The following PPP6R1 variants were observed in gnomAD, a reference collection of about 807,000 sequenced individuals.
PPP6R1 encodes protein phosphatase 6 regulatory subunit 1, also known as serine/threonine-protein phosphatase 6 regulatory subunit 1.
Under a neutral mutation model 104.6 loss-of-function variants are expected in PPP6R1, and 39 were observed. The observed-to-expected ratio is 0.37, with a 90% confidence interval of 0.29 to 0.49. PPP6R1 has a LOEUF of 0.49. Among genes scored for constraint, PPP6R1 ranks in the 20% least tolerant of loss-of-function variants. PPP6R1 has a pLI of 0.98. For synonymous variants in PPP6R1, 549 were observed against 479.0 expected (o/e 1.15, Z -1.91); for missense variants, 1,181 against 1,155.8 (o/e 1.02, Z -0.32).
chr19:55,231,982 C>A lies in PPP6R1; in HGVS notation c.2126G>T (p.Gly709Val). 6.2e-7 allele frequency: 1 copy of A among 1,601,560 alleles called. No individual in the cohort carries two copies. Among genetic ancestry groups the A allele is most frequent in the Non-Finnish European group, 8.5e-7 (1 of 1,171,818 alleles). Residue 709 changes from glycine to valine, a missense_variant and splice_region_variant, in exon 19 of 24, where the codon GGC becomes GTC. By Grantham distance (109) the Gly-to-Val change is moderately radical. Around this residue, in one of 2 missense-constraint regions of PPP6R1, gnomAD observed 1,042 missense variants for 955.6 expected, o/e 1.09. Coordinates refer to ENST00000412770, the MANE Select transcript of PPP6R1 (RefSeq NM_014931.4). ...GTCAAAGGTGGCTGTCCAGCTGGGG[C>A]CTGGGATAGAGGTGGGGGAGCGGGA... ...SYPSPGPQPP[G>V]PSWTATFDPV... is the part of the protein sequence containing the mutation.
chr19:55,243,939 GT>G (rs1302610851), intron 5 of PPP6R1, among the ~76,000 whole-genome samples: 6 of 152,182 alleles, frequency 3.9e-5, no homozygotes, highest in African/African-American at 1.4e-4. Flanking sequence ...GGCAGGACTT[GT>G]TTTTTGGAGT....
rs1289509369 is a variant in PPP6R1, at chr19:55,241,077, G to A, written c.1164C>T (p.Asp388=). Residue 388 remains aspartate, a splice_region_variant and synonymous_variant, in exon 10 of 24, where the codon GAC becomes GAT. Transcript: ENST00000412770. This position sits in a 1 kb window ranked among gnomAD's most constrained non-coding sequence, Gnocchi z 5.4. ...TGTTGAAGACATAATGGAAGAAGAGGTCCTATGGGAGGACACAGGATTGGT... is the reference window on the plus strand; with the variant it reads ...TGTTGAAGACATAATGGAAGAAGAGATCCTATGGGAGGACACAGGATTGGT... ...LALDVPNTML[D]LFFHYVFNNF... 2.6e-6 allele frequency: 4 copies of A among 1,550,606 alleles called. No homozygotes were observed. The highest frequency in any genetic ancestry group is 1.4e-5 in the African/African-American group (1 of 73,110).
intron 22 of PPP6R1, 41 bp downstream of exon 22, chr19:55,230,733 G>GCCCC: frequency 1.5e-5 from 21 of 1,390,340 alleles, no homozygotes; most frequent in Admixed American, 2.1e-5. Context: ...TGCCCCACCA[G>GCCCC]CCCCACCCCC....
At position 55,240,262 on chromosome 19, in the gene PPP6R1, C is replaced by T. The variant is rs764335393; in HGVS notation, c.1335G>A (p.Thr445=). The T allele has an allele frequency of 8.8e-6, 14 of 1,594,612 alleles. No individual in the cohort carries two copies. The highest frequency in any genetic ancestry group is 1.3e-5 in the African/African-American group (1 of 74,504). The change falls in exon 11 of 24, where the codon ACG becomes ACA. Residue 445 remains threonine (T), a synonymous_variant. Transcript: ENST00000412770. ...GTACACGGTCGTTCTCCTCCCAGGACGTCAGGATCCGCTCCACCAGGCGGC... is the reference window on the plus strand; with the variant it reads ...GTACACGGTCGTTCTCCTCCCAGGATGTCAGGATCCGCTCCACCAGGCGGC... ...QQCRLVERIL[T]SWEENDRVQC...
In PPP6R1 at chr19:55,236,686, G is replaced by C; in HGVS notation, c.1945C>G (p.Gln649Glu). The change falls in exon 17 of 24, where the codon CAG becomes GAG. Residue 649 changes from glutamine to glutamate, a missense_variant. This residue lies in a region of PPP6R1 where 1,042 missense variants were observed against 955.6 expected (regional missense o/e 1.09). Coordinates refer to ENST00000412770, the MANE Select transcript of PPP6R1 (RefSeq NM_014931.4). The part of the protein sequence containing the change: ...DGEDGAWQGS[Q>E]LARGARLGQP... ...CCCAGACGGGCCCCCCTGGCCAGCT[G>C]GCTGCCCTGCCAGGCGCCATCTTCT... 4 of 1,605,882 alleles carry C rather than the reference G, an allele frequency of 2.5e-6. No individual in the cohort carries two copies. The highest frequency in any genetic ancestry group is 3.4e-6 in the Non-Finnish European group (4 of 1,176,178).
At chr19:55,234,558 A>G (rs2087377883) in intron 17 of PPP6R1, among the ~76,000 whole-genome samples, 1 of 152,222 alleles carries the variant, frequency 6.6e-6, no homozygotes, top group East Asian at 1.9e-4. Flanking sequence ...AAACTCTTAG[A>G]AGAAAAGAGA....
intron 22 of PPP6R1, 41 bp downstream of exon 22, chr19:55,230,733 G>GCCCCCCC: frequency 2.2e-6 from 3 of 1,390,560 alleles, no homozygotes; most frequent in Non-Finnish European, 2.9e-6. Context: ...TGCCCCACCA[G>GCCCCCCC]CCCCACCCCC....
At position 55,231,979 on chromosome 19, in the gene PPP6R1, G is replaced by A. The variant is rs1377991354; in HGVS notation, c.2129C>T (p.Pro710Leu). ...YPSPGPQPPG[P>L]SWTATFDPVP... ...TGGGTCAAAGGTGGCTGTCCAGCTG[G>A]GGCCTGGGATAGAGGTGGGGGAGCG... Residue 710 changes from proline to leucine, a missense_variant, in exon 19 of 24, where the codon CCC becomes CTC. Pro to Leu is a moderately conservative substitution (Grantham distance 98, BLOSUM62 -3). Around this residue, in one of 2 missense-constraint regions of PPP6R1, gnomAD observed 1,042 missense variants for 955.6 expected, o/e 1.09. Coordinates refer to ENST00000412770, the MANE Select transcript of PPP6R1 (RefSeq NM_014931.4). 3 of 1,600,782 alleles carry A rather than the reference G, an allele frequency of 1.9e-6. No homozygotes were observed. The highest frequency in any genetic ancestry group is 2.2e-5 in the South Asian group (2 of 90,164).
Position 55,232,169 on chromosome 19 carries a change from G to C in PPP6R1, c.2031C>G (p.Asp677Glu), listed in dbSNP as rs768122943. The C allele has an allele frequency of 6.4e-7, 1 of 1,569,624 alleles. No homozygotes were observed. The highest frequency in any genetic ancestry group is 2.3e-5 in the East Asian group (1 of 42,572). Residue 677 changes from aspartate (D) to glutamate (E), a missense_variant, in exon 18 of 24, where the codon GAC becomes GAG. Coordinates refer to ENST00000412770, the MANE Select transcript of PPP6R1 (RefSeq NM_014931.4). ...CCTCCTCGTCTTCCTCCTCCTCCTC[G>C]TCCTCCTCTTCTTCGTCCTCACTGT... Reference protein sequence around the residue: ...STDSEDEEEEDEEEEEDEEGI... With the variant: ...STDSEDEEEEEEEEEEDEEGI...
intron 17 of PPP6R1, chr19:55,236,345 G>A: frequency 2.9e-6 from 1 of 344,650 alleles, no homozygotes; most frequent in Non-Finnish European, 5.3e-6. Flanking sequence ...TGTAGAGACA[G>A]GATCTCCCTA....
At chr19:55,253,633 T>C (rs1410999577) in intron 1 of PPP6R1, among the ~76,000 whole-genome samples, 3 of 152,186 alleles carry the variant, frequency 2.0e-5, no homozygotes, top group African/African-American at 4.8e-5. Flanking sequence ...TCAAATGCAA[T>C]TGAGTGGTCG....
At chr19:55,239,303 G>C in intron 15 of PPP6R1, 102 bp downstream of exon 15, 1 of 1,203,188 alleles carries the variant, frequency 8.3e-7, no homozygotes, top group Admixed American at 2.0e-5. Flanking sequence ...TGCAGGCTGA[G>C]CCCACAGGGC....
rs570277038 is a variant in PPP6R1 at position 55,232,471 on chromosome 19, C to T, written c.1989-260G>A. 1.4e-4 allele frequency: 61 copies of T among 427,158 alleles called. No individual in the cohort carries two copies. In the East Asian group the frequency reaches 2.4e-3, roughly 17 times the overall value. 26.5% of individuals were successfully genotyped at this position (427,158 alleles called of 1,614,324 possible). On this transcript the variant is annotated intron_variant, in intron 17 of 23. Transcript: ENST00000412770. ...TCCGTCGCCAGTCATCCGTGGAGGGCAGGCCCTGGGGAAGTGGGCTGAGCC... is the reference window on the plus strand; with the variant it reads ...TCCGTCGCCAGTCATCCGTGGAGGGTAGGCCCTGGGGAAGTGGGCTGAGCC...
At chr19:55,240,412 C>G (rs552973290) in intron 10 of PPP6R1, 112 bp from the exon 11 acceptor site, 75 of 1,069,254 alleles carry the variant, frequency 7.0e-5, no homozygotes, top group Non-Finnish European at 9.5e-5. Flanking sequence ...GGCCCCCGCT[C>G]ATCCAGAGAC....
intron 15 of PPP6R1, among the ~76,000 whole-genome samples, chr19:55,238,155 C>T (rs745814994): frequency 3.3e-5 from 5 of 152,094 alleles, no homozygotes; most frequent in Non-Finnish European, 7.4e-5. Context: ...CCTGCCTCGG[C>T]CTCCCTAAGT....
Position 55,241,741 on chromosome 19 carries a change from A to G in PPP6R1, c.846-102T>C. 9 of 1,352,040 alleles carry G rather than the reference A, an allele frequency of 6.7e-6. No homozygotes were observed. The highest frequency in any genetic ancestry group is 8.9e-6 in the Non-Finnish European group (9 of 1,010,384). 83.8% of individuals were successfully genotyped at this position (1,352,040 alleles called of 1,614,324 possible). On this transcript the variant is annotated intron_variant, in intron 7 of 23. Transcript: ENST00000412770. This position sits in a 1 kb window ranked among gnomAD's most constrained non-coding sequence, Gnocchi z 5.4. ...CGTCTGCAGGGTCTGGAGGAAAACG[A>G]GGAGCCACATGCCCCCAGCGCCGCT...
In PPP6R1 at chr19:55,257,393, G is replaced by A. The variant is rs766188803; in HGVS notation, c.-7+1042C>T. ...CCTGAAACATCTTGCCTTTCAGGCG[G>A]GTGTCTATGGTCATGTCTGTGTGTA... On this transcript the variant is annotated intron_variant, in intron 1 of 23. Transcript: ENST00000412770. Among the ~76,000 whole-genome samples the A allele has an allele frequency of 1.4e-4, 21 of 152,304 alleles. No individual in the cohort carries two copies. In the Middle Eastern group the frequency reaches 0.01, roughly 74 times the overall value.
At position 55,232,126 on chromosome 19, in the gene PPP6R1, G is replaced by C; in HGVS notation, c.2074C>G (p.Arg692Gly). The C allele has an allele frequency of 1.3e-6, 2 of 1,597,380 alleles. No individual in the cohort carries two copies. The highest frequency in any genetic ancestry group is 1.7e-6 in the Non-Finnish European group (2 of 1,172,096). Reference protein sequence around the residue: ...EDEEGIGCAARGGATPLSYPS... With the variant: ...EDEEGIGCAAGGGATPLSYPS... The stretch of plus-strand genomic sequence containing the variant: ...TAGGACAGAGGGGTGGCCCCTCCAC[G>C]GGCTGCACAGCCAATGCCCTCCTCG... The change falls in exon 18 of 24, where the codon CGT becomes GGT. Residue 692 changes from arginine to glycine, a missense_variant. Arg to Gly is a moderately radical substitution (Grantham distance 125, BLOSUM62 -2). Around this residue, in one of 2 missense-constraint regions of PPP6R1, gnomAD observed 1,042 missense variants for 955.6 expected, o/e 1.09. Coordinates refer to ENST00000412770, the MANE Select transcript of PPP6R1 (RefSeq NM_014931.4).
rs1475280642 is a variant in PPP6R1, at chr19:55,231,327, G to A, written c.2459+83C>T. 18 of 1,454,288 alleles carry A rather than the reference G, an allele frequency of 1.2e-5. No individual in the cohort carries two copies. The African/African-American group carries it at 2.3e-4, about 18-fold the overall frequency. 90.1% of individuals were successfully genotyped at this position (1,454,288 alleles called of 1,614,324 possible). On this transcript the variant is annotated intron_variant, in intron 21 of 23. Coordinates refer to ENST00000412770, the MANE Select transcript of PPP6R1 (RefSeq NM_014931.4). ...GCAAAGGAGGCCTGGAGCAGCTCAG[G>A]GACAAGATGAACCCAGAGCCCACCT...
Sources: allele counts gnomAD v4.1 joint callset (sites outside exome capture counted in the v4.1 genomes callset), GRCh38; gene constraint gnomAD v4.1.1; regional missense constraint gnomAD v4.1.1; non-coding constraint Gnocchi (gnomAD v3.1); transcripts MANE v1.5; gene names NCBI Gene and HGNC (gene_info 2026-07-23, HGNC 2026-07-21).